SYNE1: variants seen among roughly 807,000 people sequenced by gnomAD.
SYNE1 encodes spectrin repeat containing nuclear envelope protein 1, also known as nesprin-1.
SYNE1 carries 616 observed loss-of-function variants against 1,111.0 expected under a neutral mutation model. That is an observed-to-expected ratio of 0.55 (90% confidence interval 0.52 to 0.59). The LOEUF (loss-of-function observed/expected upper bound fraction) is 0.59, where lower values mean the gene tolerates loss of function less well. Ranked by LOEUF, SYNE1 falls within the 20% of genes least tolerant of loss-of-function variation. The pLI, the probability that SYNE1 is intolerant of heterozygous loss-of-function variation, is 0.00. For missense variants in SYNE1, 10,006 were observed against 10,417.0 expected (o/e 0.96, Z 1.72); for synonymous variants, 3,855 against 3,825.8 (o/e 1.01, Z -0.28).
chr6:152,587,823 A>T (rs546401408), intron 3 of SYNE1, among the ~76,000 whole-genome samples: 1 of 152,206 alleles, frequency 6.6e-6, no homozygotes, highest in Non-Finnish European at 1.5e-5. Context: ...GATAGCCATT[A>T]GTAATCACAG....
At chr6:152,312,296 A>T (rs1305344826) in intron 87 of SYNE1, among the ~76,000 whole-genome samples, 1 of 146,628 alleles carries the variant, frequency 6.8e-6, no homozygotes, top group Non-Finnish European at 1.5e-5. Context: ...TGCAACCTGC[A>T]TCTCCTGGGT....
chr6:152,225,040 T>C (rs2153480916), intron 116 of SYNE1, among the ~76,000 whole-genome samples: 1 of 150,682 alleles, frequency 6.6e-6, no homozygotes, highest in Non-Finnish European at 1.5e-5. Flanking sequence ...AAGAATTGTA[T>C]TAAATGAGTG....
intron 108 of SYNE1, 111 bp from the exon 109 acceptor site, chr6:152,237,059 G>T: frequency 1.4e-6 from 2 of 1,446,234 alleles, no homozygotes; most frequent in Non-Finnish European, 1.9e-6. Context: ...TTATATCAGA[G>T]ATGTTTGCGT....
In SYNE1 at chr6:152,152,077, C is replaced by A. The variant is rs201956180; in HGVS notation, c.24194G>T (p.Arg8065Leu). The change falls in exon 134 of 146, where the codon CGC becomes CTC. Residue 8065 changes from arginine to leucine, a missense_variant. This residue lies in a region of SYNE1 where 2,182 missense variants were observed against 2,287.8 expected (regional missense o/e 0.95). Coordinates refer to ENST00000367255, the MANE Select transcript of SYNE1 (RefSeq NM_182961.4). ...QLELINKQYR[R>L]LARENRTDSA... The stretch of plus-strand genomic sequence containing the variant: ...ATCAGTGCGGTTCTCCCTGGCCAGG[C>A]GGCGGTACTGCTTGTTGATCAGTTC... 28 of 1,614,032 alleles carry A rather than the reference C, an allele frequency of 1.7e-5. 1 individual carries two copies. The highest frequency in any genetic ancestry group is 1.1e-5 in the South Asian group (1 of 91,088).
intron 25 of SYNE1, 160 bp downstream of exon 25, chr6:152,453,426 C>T (rs1419114837): frequency 1.1e-6 from 1 of 908,568 alleles, no homozygotes; most frequent in East Asian, 2.4e-5. Flanking sequence ...CATATATTAT[C>T]AGGTTTTATT....
intron 4 of SYNE1, among the ~76,000 whole-genome samples, chr6:152,528,373 TA>T (rs143503387): frequency 2.9e-4 from 44 of 152,008 alleles, no homozygotes; most frequent in Non-Finnish European, 5.3e-4. Context: ...TACACCAGAA[TA>T]AAAAAAATTA....
At chr6:152,430,811 T>C (rs2098421802) in intron 34 of SYNE1, 102 bp from the exon 35 acceptor site, 4 of 1,144,106 alleles carry the variant, frequency 3.5e-6, no homozygotes, top group South Asian at 2.5e-5. Flanking sequence ...TTAACTGATA[T>C]TTGAAGACTT....
intron 4 of SYNE1, among the ~76,000 whole-genome samples, chr6:152,538,393 C>G (rs2099253873): frequency 6.6e-6 from 1 of 152,088 alleles, no homozygotes; most frequent in Non-Finnish European, 1.5e-5. Flanking sequence ...TATCTATTGT[C>G]ATGGATTGAC....
At chr6:152,323,393 C>G in intron 82 of SYNE1, 85 bp downstream of exon 82, 1 of 1,578,760 alleles carries the variant, frequency 6.3e-7, no homozygotes, top group Non-Finnish European at 8.6e-7. Flanking sequence ...GAGCCGAGAT[C>G]ACACATTTGC....
At position 152,278,149 on chromosome 6, in the gene SYNE1, C is replaced by T. The variant is rs764725032; in HGVS notation, c.18513G>A (p.Arg6171=). The change falls in exon 98 of 146, where the codon AGG becomes AGA. Residue 6171 remains arginine (R), a synonymous_variant. Coordinates refer to ENST00000367255, the MANE Select transcript of SYNE1 (RefSeq NM_182961.4). ...EAEQLAGKLR[R]LKGSLLELQR... is the part of the protein sequence containing the mutation. Reference sequence around the variant, plus strand: ...GCAGCTCCAGCAGGCTCCCCTTGAGCCTTCTCAGCTTTCCAGCCAGCTGCT... The same window carrying T: ...GCAGCTCCAGCAGGCTCCCCTTGAGTCTTCTCAGCTTTCCAGCCAGCTGCT... 1.9e-6 allele frequency: 3 copies of T among 1,614,110 alleles called. No homozygotes were observed. The highest frequency in any genetic ancestry group is 2.5e-6 in the Non-Finnish European group (3 of 1,180,044).
intron 128 of SYNE1, among the ~76,000 whole-genome samples, chr6:152,182,765 G>T (rs1456276051): frequency 6.6e-6 from 1 of 152,136 alleles, no homozygotes; most frequent in Non-Finnish European, 1.5e-5. Flanking sequence ...CCAGCCTTAG[G>T]CATAGTGAGT....
chr6:152,231,305 T>A, intron 114 of SYNE1, 86 bp downstream of exon 114: 1 of 1,462,438 alleles, frequency 6.8e-7, no homozygotes, highest in Non-Finnish European at 9.6e-7. Context: ...ATAGCCACGC[T>A]ACTTGTGAAC....
chr6:152,231,622 C>T (rs2082764462), intron 113 of SYNE1, 55 bp from the exon 114 acceptor site: 2 of 1,575,516 alleles, frequency 1.3e-6, no homozygotes, highest in Non-Finnish European at 8.7e-7. Flanking sequence ...ATTAGTTTTC[C>T]AGGAGTTGGA....
chr6:152,322,872 G>A (rs1280914157), intron 82 of SYNE1, among the ~76,000 whole-genome samples: 1 of 152,032 alleles, frequency 6.6e-6, no homozygotes, highest in Non-Finnish European at 1.5e-5. Flanking sequence ...TCTCTGCTTC[G>A]GATTCCCTCA....
chr6:152,421,318 C>T (rs2098255777), intron 39 of SYNE1, among the ~76,000 whole-genome samples: 1 of 152,166 alleles, frequency 6.6e-6, no homozygotes, highest in African/African-American at 2.4e-5. Flanking sequence ...AAAGTCTAAT[C>T]TGAGATTTCT....
chr6:152,451,468 A>ATTTTTTTTT (rs145882121), intron 25 of SYNE1, among the ~76,000 whole-genome samples: 2 of 49,830 alleles, frequency 4.0e-5, no homozygotes, highest in African/African-American at 8.4e-5. Context: ...CCTGCACCGT[A>ATTTTTTTTT]TTTTTTTTTT....
In SYNE1 at chr6:152,428,230, C is replaced by T. The variant is rs2098389859; in HGVS notation, c.4951G>A (p.Glu1651Lys). The T allele has an allele frequency of 1.2e-6, 2 of 1,613,792 alleles. No individual in the cohort carries two copies. The highest frequency in any genetic ancestry group is 2.7e-5 in the African/African-American group (2 of 75,052). Residue 1651 changes from glutamate to lysine, a missense_variant, in exon 37 of 146, where the codon GAG (glutamate) becomes AAG (lysine). By Grantham distance (56) the Glu-to-Lys change is moderately conservative (BLOSUM62 1). Around this residue, in one of 7 missense-constraint regions of SYNE1, gnomAD observed 1,971 missense variants for 2,084.1 expected, o/e 0.95. Transcript: ENST00000367255. The stretch of plus-strand genomic sequence containing the variant: ...CTCTGCCAGTGGGCCAGCAGATTCT[C>T]CAGCGCCGTCTGTCTCTCCTTCGCC... Reference protein sequence around the residue: ...RRAKERQTALENLLAHWQRLE... With the variant: ...RRAKERQTALKNLLAHWQRLE...
At chr6:152,589,703 G>A (rs1018430826) in intron 3 of SYNE1, among the ~76,000 whole-genome samples, 3 of 152,082 alleles carry the variant, frequency 2.0e-5, no homozygotes, top group African/African-American at 4.8e-5. Context: ...GCAAAGGCCC[G>A]GCATAACCAT....
intron 130 of SYNE1, among the ~76,000 whole-genome samples, chr6:152,165,636 G>C (rs1414693122): frequency 2.0e-5 from 3 of 152,138 alleles, no homozygotes; most frequent in African/African-American, 7.2e-5. Flanking sequence ...ATGTTACAAT[G>C]TTTATTGTGA....
Sources: allele counts gnomAD v4.1 joint callset (sites outside exome capture counted in the v4.1 genomes callset), GRCh38; gene constraint gnomAD v4.1.1; regional missense constraint gnomAD v4.1.1; transcripts MANE v1.5; gene names NCBI Gene and HGNC (gene_info 2026-07-23, HGNC 2026-07-21).